Variants in KIAA0930 observed in about 807,000 individuals in gnomAD.
The protein encoded by KIAA0930 is KIAA0930.
In KIAA0930, 24 loss-of-function variants were observed where a neutral mutation model predicts 43.9. The ratio of observed to expected loss-of-function variants is 0.55; its 90% CI spans 0.40 to 0.77. KIAA0930 has a LOEUF of 0.77. Ranked by LOEUF, KIAA0930 falls within the 30% of genes least tolerant of loss-of-function variation. KIAA0930 has a pLI of 0.00. For missense variants in KIAA0930, 461 were observed against 574.2 expected, an observed-to-expected ratio of 0.80 and a Z score of 2.02; for synonymous variants, 259 against 216.4, an observed-to-expected ratio of 1.20 and a Z score of -1.73.
In KIAA0930 at chr22:45,196,747, T is replaced by C. The variant is rs576416704; in HGVS notation, c.*429A>G. ...TTCCAGAATCTTCCACCGGCTTTCC[T>C]CAAGAACATGTGGACAGTCCAATGC... On this transcript the variant is annotated 3_prime_UTR_variant, in exon 10 of 10. Coordinates refer to ENST00000336156, the MANE Select transcript of KIAA0930 (RefSeq NM_001009880.2). This position sits in a 1 kb window ranked among gnomAD's most constrained non-coding sequence, Gnocchi z 4.1. The C allele has an allele frequency of 5.8e-3, 978 of 170,050 alleles. 13 individuals carry two copies. Among genetic ancestry groups the C allele is most frequent in the African/African-American group, 0.022 (925 of 42,300 alleles). 10.5% of individuals were successfully genotyped at this position (170,050 alleles called of 1,614,324 possible).
intron 1 of KIAA0930, among the ~76,000 whole-genome samples, chr22:45,225,088 G>A (rs903177627): frequency 3.3e-5 from 5 of 152,128 alleles, no homozygotes; most frequent in African/African-American, 1.2e-4. Flanking sequence ...GGGGTCAACT[G>A]GACTCTTTGG....
At chr22:45,226,241 C>T in intron 1 of KIAA0930, 1 of 471,154 alleles carries the variant, frequency 2.1e-6, no homozygotes, top group Non-Finnish European at 4.4e-6. Flanking sequence ...TCACAATCCC[C>T]AGGCCACATG....
chr22:45,234,091 C>CG (rs2083871270), intron 1 of KIAA0930, among the ~76,000 whole-genome samples: 1 of 152,170 alleles, frequency 6.6e-6, no homozygotes, highest in Non-Finnish European at 1.5e-5. Flanking sequence ...TTCTGAGACC[C>CG]GGGGGCCTTG....
chr22:45,217,067 CACTT>C (rs1380596001), intron 1 of KIAA0930, among the ~76,000 whole-genome samples: 3 of 152,142 alleles, frequency 2.0e-5, no homozygotes, highest in African/African-American at 7.2e-5. Context: ...TCTTTCAAGA[CACTT>C]TATTTAAGGC....
intron 1 of KIAA0930, chr22:45,226,184 G>T (rs1324963084): frequency 2.2e-6 from 1 of 455,394 alleles, no homozygotes; most frequent in South Asian, 1.6e-5. Context: ...CTTTATTCAT[G>T]GGCCTGTCTT....
intron 8 of KIAA0930, 95 bp from the exon 9 acceptor site, chr22:45,198,043 T>C: frequency 1.5e-6 from 2 of 1,295,558 alleles, no homozygotes; most frequent in Non-Finnish European, 2.2e-6. Context: ...GGCCAAACTC[T>C]GCTGAGGCCA....
chr22:45,202,947 C>T (rs1436313302), intron 7 of KIAA0930, 43 bp downstream of exon 7: 4 of 1,522,574 alleles, frequency 2.6e-6, no homozygotes, highest in Non-Finnish European at 3.6e-6. Flanking sequence ...GGAAAGTGAA[C>T]TTGACGGATG....
chr22:45,229,991 G>A (rs1172755968), intron 1 of KIAA0930, among the ~76,000 whole-genome samples: 2 of 152,254 alleles, frequency 1.3e-5, no homozygotes, highest in Non-Finnish European at 2.9e-5. Context: ...AGCTACTCAG[G>A]AGGCTGAGGC....
rs376843102 is a variant in KIAA0930, at chr22:45,203,196, C to G, written c.658-12G>C. ...GCGGCCACGCTCACCTGGGGGCCGG[C>G]GCGGGGCAGCCTGAGTCAGGGAGGT... On this transcript the variant is annotated splice_polypyrimidine_tract_variant and intron_variant, in intron 6 of 9. Coordinates refer to ENST00000336156, the MANE Select transcript of KIAA0930 (RefSeq NM_001009880.2). 1 of 1,580,392 alleles carries G rather than the reference C, an allele frequency of 6.3e-7. No individual in the cohort carries two copies. Among genetic ancestry groups the G allele is most frequent in the South Asian group, 1.2e-5 (1 of 85,834 alleles).
intron 1 of KIAA0930, among the ~76,000 whole-genome samples, chr22:45,232,801 C>T (rs1250146118): frequency 6.6e-6 from 1 of 152,082 alleles, no homozygotes; most frequent in East Asian, 1.9e-4. Context: ...GGAGGCTGGC[C>T]CACCGCCTCT....
At chr22:45,226,371 G>A (rs1363153135) in intron 1 of KIAA0930, 6 of 470,158 alleles carry the variant, frequency 1.3e-5, no homozygotes, top group Middle Eastern at 3.2e-4. Flanking sequence ...TGCCCCAGGC[G>A]CTGCATGAGG....
intron 1 of KIAA0930, among the ~76,000 whole-genome samples, chr22:45,237,393 TCC>T (rs989225383): frequency 3.3e-5 from 5 of 152,216 alleles, no homozygotes; most frequent in Non-Finnish European, 7.4e-5. Context: ...AGTGCTCAAC[TCC>T]CCTTCTACTG....
In KIAA0930 at chr22:45,197,102, G is replaced by A. The variant is rs1190747840; in HGVS notation, c.*74C>T. 2.1e-5 allele frequency: 27 copies of A among 1,281,004 alleles called. No homozygotes were observed. Among genetic ancestry groups the A allele is most frequent in the East Asian group, 5.7e-5 (2 of 35,130 alleles). The allele number at this position is 1,281,004 out of a possible 1,614,324, so 79.4% of individuals were successfully genotyped here. On this transcript the variant is annotated 3_prime_UTR_variant, in exon 10 of 10. Coordinates refer to ENST00000336156, the MANE Select transcript of KIAA0930 (RefSeq NM_001009880.2). ...GCGTGCCATCGCAGACCCCGGTGGC[G>A]GTGGACAGGTAGGCACTTGGCAGCA...
chr22:45,231,975 A>C (rs1285127649), intron 1 of KIAA0930, among the ~76,000 whole-genome samples: 2 of 152,208 alleles, frequency 1.3e-5, no homozygotes, highest in Non-Finnish European at 2.9e-5. Context: ...TGGGTGACAG[A>C]GCGAGACTCC....
chr22:45,218,971 T>C (rs909494), intron 1 of KIAA0930, among the ~76,000 whole-genome samples: 134,989 of 152,180 alleles, frequency 0.89, 60,224 homozygotes, highest in East Asian at 1. Flanking sequence ...GGATCCACTT[T>C]CCAGCCGAGT....
intron 9 of KIAA0930, among the ~76,000 whole-genome samples, chr22:45,197,474 C>T (rs1455133357): frequency 2.0e-5 from 3 of 152,222 alleles, no homozygotes; most frequent in Non-Finnish European, 4.4e-5. Flanking sequence ...CCTGTCACAG[C>T]TGCTGCAGGC....
At chr22:45,232,038 T>G (rs1363404900) in intron 1 of KIAA0930, among the ~76,000 whole-genome samples, 1 of 152,138 alleles carries the variant, frequency 6.6e-6, no homozygotes, top group Admixed American at 6.5e-5. Flanking sequence ...GAATGGCTGT[T>G]GTTGCTGGAA....
chr22:45,205,809 T>G lies in KIAA0930; in HGVS notation c.320A>C (p.Asn107Thr), dbSNP rs2083632585. The change falls in exon 3 of 10, where the codon AAT becomes ACT. Residue 107 changes from asparagine (N) to threonine (T), a missense_variant. Asn to Thr is a moderately conservative substitution (Grantham distance 65). Transcript: ENST00000336156. ...ACCCCATACCTTCTGCAGGATGAGATTCAGGCAGACGCTCTCCTCCCAGTC... is the reference window on the plus strand; with the variant it reads ...ACCCCATACCTTCTGCAGGATGAGAGTCAGGCAGACGCTCTCCTCCCAGTC... ...DIDWEESVCL[N>T]LILQKLDYMV... is the part of the protein sequence containing the mutation. The G allele has an allele frequency of 3.7e-6, 5 of 1,358,366 alleles. No homozygotes were observed. The Admixed American group carries it at 1.0e-4, about 28-fold the overall frequency. The allele number at this position is 1,358,366 out of a possible 1,614,324, so 84.1% of individuals were successfully genotyped here.
chr22:45,214,195 C>G (rs1037848277), intron 1 of KIAA0930, among the ~76,000 whole-genome samples: 2 of 152,020 alleles, frequency 1.3e-5, no homozygotes, highest in African/African-American at 2.4e-5. Flanking sequence ...AACAAACAAA[C>G]AAAACAGCCC....
Sources: gnomAD v4.1 joint callset for allele counts (sites outside exome capture counted in the v4.1 genomes callset) on GRCh38, gnomAD v4.1.1 for gene constraint, Gnocchi (gnomAD v3.1) non-coding constraint, MANE v1.5 for transcripts, NCBI Gene and HGNC (gene_info 2026-07-23, HGNC 2026-07-21) for gene names.